The following SH3GL1 variants were observed in gnomAD, a reference collection of about 807,000 sequenced individuals.
The protein encoded by SH3GL1 is SH3 domain containing GRB2 like 1, endophilin A2.
Under a neutral mutation model 48.8 loss-of-function variants are expected in SH3GL1, and 21 were observed. That is an observed-to-expected ratio of 0.43 (90% CI 0.30 to 0.62). The LOEUF (loss-of-function observed/expected upper bound fraction) is 0.62, where lower values mean the gene tolerates loss of function less well. Ranked by LOEUF, SH3GL1 falls within the 20% of genes least tolerant of loss-of-function variation. SH3GL1 has a pLI of 0.11. For missense variants in SH3GL1, 454 were observed against 503.0 expected (o/e 0.90, Z 0.93); for synonymous variants, 282 against 217.5 (o/e 1.30, Z -2.61).
In SH3GL1 at chr19:4,370,074, G is replaced by A. The variant is rs564832147; in HGVS notation, c.46-3080C>T. ...AGCACGGAGGGGACCGAGAGTCTGC[G>A]GCAGAGCTGGGCGCCACGGGGAGGC... On this transcript the variant is annotated intron_variant, in intron 1 of 9. Coordinates refer to ENST00000269886, the MANE Select transcript of SH3GL1 (RefSeq NM_003025.4). Among the ~76,000 whole-genome samples, 60 of 152,356 alleles carry A rather than the reference G, an allele frequency of 3.9e-4. 1 individual carries two copies. The South Asian group carries it at 0.011, about 29-fold the overall frequency.
chr19:4,391,259 G>A (rs1435833467), intron 1 of SH3GL1, among the ~76,000 whole-genome samples: 3 of 152,196 alleles, frequency 2.0e-5, no homozygotes, highest in African/African-American at 4.8e-5. Context: ...GTGCTTGATA[G>A]GTCTGGGGTG....
chr19:4,385,685 A>G (rs553323416), intron 1 of SH3GL1, among the ~76,000 whole-genome samples: 59 of 152,324 alleles, frequency 3.9e-4, no homozygotes, highest in Non-Finnish European at 5.0e-4. Flanking sequence ...TCTGACAGGC[A>G]CAGAGTGCTC....
chr19:4,369,996 C>G (rs909215079), intron 1 of SH3GL1, among the ~76,000 whole-genome samples: 1 of 152,032 alleles, frequency 6.6e-6, no homozygotes, highest in Non-Finnish European at 1.5e-5. Context: ...CAAGCGTGGG[C>G]TCCTGCCCGC....
At chr19:4,392,941 A>C (rs1444193644) in intron 1 of SH3GL1, among the ~76,000 whole-genome samples, 4 of 152,144 alleles carry the variant, frequency 2.6e-5, no homozygotes. Context: ...ACAAGACTGC[A>C]TCTCAAATAC....
At chr19:4,365,083 A>ACT (rs890303148) in intron 4 of SH3GL1, among the ~76,000 whole-genome samples, 12 of 150,756 alleles carry the variant, frequency 8.0e-5, no homozygotes, top group African/African-American at 2.7e-4. Context: ...GCCCCCCAAC[A>ACT]CTCTAAGCCC....
intron 1 of SH3GL1, among the ~76,000 whole-genome samples, chr19:4,371,588 G>A (rs1004453911): frequency 6.6e-6 from 1 of 152,262 alleles, no homozygotes; most frequent in Non-Finnish European, 1.5e-5. Context: ...AAGCCAGCGT[G>A]GGGGAGGGCA....
chr19:4,399,101 C>T (rs1474000628), intron 1 of SH3GL1, among the ~76,000 whole-genome samples: 2 of 152,126 alleles, frequency 1.3e-5, no homozygotes, highest in Admixed American at 6.5e-5. Flanking sequence ...AGGCGGATTA[C>T]TTGAGGCCAG....
intron 6 of SH3GL1, 43 bp from the exon 7 acceptor site, chr19:4,363,516 G>T: frequency 6.4e-7 from 1 of 1,564,656 alleles, no homozygotes; most frequent in Non-Finnish European, 8.8e-7. Context: ...CAGTGCCACT[G>T]TCCTGTGCCT....
Position 4,380,925 on chromosome 19 carries a change from G to C in SH3GL1, c.46-13931C>G, listed in dbSNP as rs78605548. 5.6e-4 allele frequency among the ~76,000 whole-genome samples: 85 copies of C among 152,250 alleles called. No homozygotes were observed. In the East Asian group the frequency reaches 0.016, roughly 28 times the overall value. On this transcript the variant is annotated intron_variant, in intron 1 of 9. Transcript: ENST00000269886. ...AGGCTGGATGGAACCCCAGCTCTTAGCAGGGCACCTCAAGCCAACATGGCA... is the reference window on the plus strand; with the variant it reads ...AGGCTGGATGGAACCCCAGCTCTTACCAGGGCACCTCAAGCCAACATGGCA...
At chr19:4,366,111 G>GC (rs1972772339) in intron 3 of SH3GL1, among the ~76,000 whole-genome samples, 1 of 152,208 alleles carries the variant, frequency 6.6e-6, no homozygotes, top group African/African-American at 2.4e-5. Flanking sequence ...TTGGGGAAAA[G>GC]CCCGTCTCTC....
intron 1 of SH3GL1, among the ~76,000 whole-genome samples, chr19:4,390,840 C>T (rs891837773): frequency 6.6e-6 from 1 of 151,988 alleles, no homozygotes; most frequent in African/African-American, 2.4e-5. Flanking sequence ...CCGCTCTGAG[C>T]TTCTCCTCTA....
At chr19:4,364,540 C>T (rs965599033) in intron 4 of SH3GL1, 8 of 353,426 alleles carry the variant, frequency 2.3e-5, no homozygotes, top group African/African-American at 1.7e-4. Context: ...AAGCAATTCT[C>T]CTGTCTCAGC....
intron 1 of SH3GL1, chr19:4,380,430 G>A (rs945936002): frequency 1.3e-5 from 2 of 152,824 alleles, no homozygotes. Context: ...GGTGGCCGTG[G>A]CCGTGGGCTT....
At chr19:4,392,128 C>G (rs1465379877) in intron 1 of SH3GL1, among the ~76,000 whole-genome samples, 1 of 152,242 alleles carries the variant, frequency 6.6e-6, no homozygotes, top group Non-Finnish European at 1.5e-5. Context: ...CCAACGCCGG[C>G]CCTTACCAGC....
In SH3GL1 at chr19:4,371,919, A is replaced by T. The variant is rs543031003; in HGVS notation, c.46-4925T>A. Among the ~76,000 whole-genome samples, 5 of 152,340 alleles carry T rather than the reference A, an allele frequency of 3.3e-5. No homozygotes were observed. The South Asian group carries it at 8.3e-4, about 25-fold the overall frequency. The stretch of plus-strand genomic sequence containing the variant: ...TCGCCCAGTGCCAGGCACAGAGCGG[A>T]GAAATGGCAGGTGGGCACGGCTGGT... On this transcript the variant is annotated intron_variant, in intron 1 of 9. Transcript: ENST00000269886.
At position 4,367,276 on chromosome 19, in the gene SH3GL1, G is replaced by T. The variant is rs549027006; in HGVS notation, c.46-282C>A. On this transcript the variant is annotated intron_variant, in intron 1 of 9. Coordinates refer to ENST00000269886, the MANE Select transcript of SH3GL1 (RefSeq NM_003025.4). The surrounding 1 kb of genome is among the most constrained non-coding windows in gnomAD (Gnocchi z 4.2). The stretch of plus-strand genomic sequence containing the variant: ...ACCCACTGGGGACCCTGCCACAGTA[G>T]GCCCCATCTGGGCCACGGTGGAGTC... 3.9e-5 allele frequency among the ~76,000 whole-genome samples: 6 copies of T among 152,202 alleles called. No homozygotes were observed. The highest frequency in any genetic ancestry group is 8.8e-5 in the Non-Finnish European group (6 of 68,038).
At chr19:4,362,426 G>T in intron 8 of SH3GL1, 41 bp from the exon 9 acceptor site, 1 of 1,593,472 alleles carries the variant, frequency 6.3e-7, no homozygotes. Context: ...GCTCAAAACG[G>T]TCGGGCAGGG....
rs1401904862 is a variant in SH3GL1, at chr19:4,364,907, TA to T, written c.331+574del. 4.5e-4 allele frequency among the ~76,000 whole-genome samples: 63 copies of T among 140,350 alleles called. 1 individual carries two copies. In the South Asian group the frequency reaches 0.011, roughly 24 times the overall value. The allele number at this position is 140,350 out of a possible 152,430, so 92.1% of individuals were successfully genotyped here. On this transcript the variant is annotated intron_variant, in intron 4 of 9. Transcript: ENST00000269886. ...GTGTGTGTGTGTGTGTGTATATATA[TA>T]TATATATATTTTTTTTTTTTTAGTA...
At chr19:4,390,143 C>A (rs911517976) in intron 1 of SH3GL1, 1 of 152,294 alleles carries the variant, frequency 6.6e-6, no homozygotes, top group Non-Finnish European at 1.5e-5. Context: ...GGAAACTGTC[C>A]GTCTATCTTC....
Sources: allele counts gnomAD v4.1 joint callset (sites outside exome capture counted in the v4.1 genomes callset), GRCh38; gene constraint gnomAD v4.1.1; non-coding constraint Gnocchi (gnomAD v3.1); transcripts MANE v1.5; gene names NCBI Gene and HGNC (gene_info 2026-07-23, HGNC 2026-07-21).